LARS2: variants seen among roughly 807,000 people sequenced by gnomAD.
LARS2 encodes leucyl-tRNA synthetase 2, mitochondrial.
Under a neutral mutation model 116.6 loss-of-function variants are expected in LARS2, and 81 were observed. The ratio of observed to expected loss-of-function variants is 0.69; its 90% CI spans 0.58 to 0.84. LARS2 has a LOEUF of 0.84. Ranked by LOEUF, LARS2 falls within the 40% of genes least tolerant of loss-of-function variation. The pLI, the probability that LARS2 is intolerant of heterozygous loss-of-function variation, is 0.00. For synonymous variants in LARS2, 396 were observed against 407.2 expected, an observed-to-expected ratio of 0.97 and a Z score of 0.33; for missense variants, 968 against 1,114.5, an observed-to-expected ratio of 0.87 and a Z score of 1.87.
At position 45,476,553 on chromosome 3, in the gene LARS2, C is replaced by T. The variant is rs755162646; in HGVS notation, c.944C>T (p.Ser315Leu). 5.7e-5 allele frequency: 92 copies of T among 1,614,096 alleles called. No homozygotes were observed. In the Admixed American group the frequency reaches 1.3e-3, roughly 23 times the overall value. ...TATGGCACCTCCCACGTGGCCATCT[C>T]GCCCAGCCACAGACTCCTACATGGG... Reference protein sequence around the residue: ...AIYGTSHVAISPSHRLLHGHS... With the variant: ...AIYGTSHVAILPSHRLLHGHS... Residue 315 changes from serine to leucine, a missense_variant, in exon 10 of 22, where the codon TCG (serine) becomes TTG (leucine). Transcript: ENST00000645846.
At chr3:45,417,827 G>A (rs148411598) in intron 5 of LARS2, among the ~76,000 whole-genome samples, 20 of 152,228 alleles carry the variant, frequency 1.3e-4, no homozygotes, top group African/African-American at 4.8e-4. Flanking sequence ...TTTCCTTCGA[G>A]TATTTACATT....
intron 13 of LARS2, among the ~76,000 whole-genome samples, chr3:45,492,405 A>G (rs1045226861): frequency 6.6e-6 from 1 of 152,254 alleles, no homozygotes; most frequent in Non-Finnish European, 1.5e-5. Context: ...TAATTAAACA[A>G]ATAGCAGATA....
chr3:45,541,217 G>T (rs958097504), intron 20 of LARS2, among the ~76,000 whole-genome samples: 1 of 152,118 alleles, frequency 6.6e-6, no homozygotes, highest in African/African-American at 2.4e-5. Context: ...GGGAAACGGG[G>T]CTTGAGAGGG....
chr3:45,419,558 C>T lies in LARS2; in HGVS notation c.456-111C>T. On this transcript the variant is annotated intron_variant, in intron 5 of 21. Transcript: ENST00000645846. ...GCTAGGGCAAAGCAACACTTAAAACCCATTTGAATAATTTAGACTTTTTCA... is the reference window on the plus strand; with the variant it reads ...GCTAGGGCAAAGCAACACTTAAAACTCATTTGAATAATTTAGACTTTTTCA... 2.4e-6 allele frequency: 2 copies of T among 821,596 alleles called. 1 individual carries two copies. The highest frequency in any genetic ancestry group is 3.2e-5 in the South Asian group (2 of 62,486). 50.9% of individuals were successfully genotyped at this position (821,596 alleles called of 1,614,324 possible). A position where few individuals can be genotyped will look rare whatever the true frequency, so the allele number is the denominator to read the frequency against.
chr3:45,399,667 G>A (rs1698110382), intron 3 of LARS2, among the ~76,000 whole-genome samples: 1 of 151,594 alleles, frequency 6.6e-6, no homozygotes, highest in Non-Finnish European at 1.5e-5. Context: ...AGGTTTTTGG[G>A]GTACAGGTGG....
intron 4 of LARS2, among the ~76,000 whole-genome samples, chr3:45,404,623 A>G (rs1170319278): frequency 6.6e-6 from 1 of 152,202 alleles, no homozygotes; most frequent in Admixed American, 6.5e-5. Context: ...CACCAGCTCT[A>G]TTCTTGAATG....
At chr3:45,541,683 GA>G in intron 20 of LARS2, 145 bp from the exon 21 acceptor site, 1 of 968,750 alleles carries the variant, frequency 1.0e-6, no homozygotes, top group Non-Finnish European at 1.5e-6. Context: ...CCAAAGTGGT[GA>G]GCACCCAGCA....
At chr3:45,473,681 G>C in intron 8 of LARS2, among the ~76,000 whole-genome samples, 1 of 150,144 alleles carries the variant, frequency 6.7e-6, no homozygotes, top group Non-Finnish European at 1.5e-5. Context: ...ACTGCACCTG[G>C]CCTGTTGTTG....
In LARS2 at chr3:45,500,695, A is replaced by G. The variant is rs576053754; in HGVS notation, c.1760+116A>G. On this transcript the variant is annotated intron_variant, in intron 15 of 21. Coordinates refer to ENST00000645846, the MANE Select transcript of LARS2 (RefSeq NM_015340.4). ...TGTAGTAGAATACTAGTTTTCTAGT[A>G]TGCTTTAGAGGTTGTCAACCTTAAT... 100 of 756,398 alleles carry G rather than the reference A, an allele frequency of 1.3e-4. No individual in the cohort carries two copies. The African/African-American group carries it at 1.6e-3, about 12-fold the overall frequency. 46.9% of individuals were successfully genotyped at this position (756,398 alleles called of 1,614,324 possible).
At chr3:45,479,143 A>G (rs968667042) in intron 10 of LARS2, among the ~76,000 whole-genome samples, 2 of 152,188 alleles carry the variant, frequency 1.3e-5, no homozygotes, top group African/African-American at 2.4e-5. Flanking sequence ...TTGTTTCTAC[A>G]TATCGGCTCC....
chr3:45,401,894 A>G (rs1200890369), intron 4 of LARS2, among the ~76,000 whole-genome samples: 2 of 152,156 alleles, frequency 1.3e-5, no homozygotes, highest in Non-Finnish European at 2.9e-5. Flanking sequence ...AGGATTATAG[A>G]TATGAGCTAC....
intron 14 of LARS2, among the ~76,000 whole-genome samples, chr3:45,499,410 C>T (rs1700080378): frequency 1.3e-5 from 2 of 152,008 alleles, no homozygotes; most frequent in African/African-American, 4.8e-5. Flanking sequence ...CCCCTGCAAC[C>T]GAGCCTGGGT....
chr3:45,516,663 C>T (rs931362725), intron 17 of LARS2, among the ~76,000 whole-genome samples: 5 of 152,166 alleles, frequency 3.3e-5, no homozygotes, highest in South Asian at 4.1e-4. Flanking sequence ...TACTCCTAGG[C>T]CTGCTATAGT....
chr3:45,512,395 T>G (rs1575304977), intron 15 of LARS2, among the ~76,000 whole-genome samples: 1 of 152,218 alleles, frequency 6.6e-6, no homozygotes, highest in Non-Finnish European at 1.5e-5. Context: ...TTGCAATAAT[T>G]TCAGTATGAA....
At chr3:45,509,437 G>A (rs940556217) in intron 15 of LARS2, 3 of 152,032 alleles carry the variant, frequency 2.0e-5, no homozygotes, top group African/African-American at 7.2e-5. Flanking sequence ...AGTCCAGCAG[G>A]GCCCTTGATG....
intron 7 of LARS2, among the ~76,000 whole-genome samples, chr3:45,447,867 A>C (rs900785992): frequency 4.6e-5 from 7 of 152,232 alleles, no homozygotes; most frequent in Admixed American, 4.6e-4. Flanking sequence ...AGGCAAGAGC[A>C]TCATAGTGTG....
chr3:45,459,794 C>G (rs1463664259), intron 8 of LARS2, among the ~76,000 whole-genome samples: 1 of 152,146 alleles, frequency 6.6e-6, no homozygotes, highest in Non-Finnish European at 1.5e-5. Flanking sequence ...CCTTTGTATT[C>G]TTATGCATGC....
intron 20 of LARS2, among the ~76,000 whole-genome samples, chr3:45,535,271 T>C (rs1156295969): frequency 6.6e-6 from 1 of 151,806 alleles, no homozygotes; most frequent in Non-Finnish European, 1.5e-5. Flanking sequence ...AAGAATCGCT[T>C]GAACCTGGGA....
chr3:45,468,714 A>G (rs1456640595), intron 8 of LARS2, among the ~76,000 whole-genome samples: 1 of 152,240 alleles, frequency 6.6e-6, no homozygotes, highest in Non-Finnish European at 1.5e-5. Context: ...GAAAAGATGG[A>G]TAAGTGTAAC....
Sources: allele counts gnomAD v4.1 joint callset (sites outside exome capture counted in the v4.1 genomes callset), GRCh38; gene constraint gnomAD v4.1.1; transcripts MANE v1.5; gene names NCBI Gene and HGNC (gene_info 2026-07-23, HGNC 2026-07-21).